CSMD1: variants seen among roughly 807,000 people sequenced by gnomAD.
CSMD1 encodes the protein CUB and Sushi multiple domains 1, also known as CUB and sushi domain-containing protein 1.
In CSMD1, 213 loss-of-function variants were observed where a neutral mutation model predicts 417.5. The ratio of observed to expected loss-of-function variants is 0.51; its 90% CI spans 0.46 to 0.57. CSMD1 has a LOEUF of 0.57. CSMD1 is among the 20% of genes least tolerant of loss of function. The pLI is 0.00. For missense variants in CSMD1, 6,923 were observed against 4,529.7 expected (o/e 1.53, Z -15.17); for synonymous variants, 2,862 against 1,736.8 (o/e 1.65, Z -16.11).
intron 2 of CSMD1, among the ~76,000 whole-genome samples, chr8:4,534,580 C>G (rs1585215881): frequency 6.6e-6 from 1 of 151,948 alleles, no homozygotes; most frequent in East Asian, 1.9e-4. Flanking sequence ...CAACCCCTCC[C>G]CTCCTCCCTC....
rs765929313 is a variant in CSMD1, at chr8:3,118,547, C to G, written c.6282G>C (p.Gln2094His). 2 of 1,613,826 alleles carry G rather than the reference C, an allele frequency of 1.2e-6. No homozygotes were observed. Among genetic ancestry groups the G allele is most frequent in the African/African-American group, 1.3e-5 (1 of 75,016 alleles). Residue 2094 changes from glutamine (Q) to histidine (H), a missense_variant, in exon 42 of 70, where the codon CAG (glutamine) becomes CAC (histidine). Coordinates refer to ENST00000635120, the MANE Select transcript of CSMD1 (RefSeq NM_033225.6). ...LQNCPDPPPF[Q>H]NGYMINSDYS... is the part of the protein sequence containing the mutation. ...AATCCGAGTTGATCATGTACCCATT[C>G]TGAAATGGGGGTGGATCTGGACAGT...
intron 3 of CSMD1, among the ~76,000 whole-genome samples, chr8:4,285,706 A>T (rs919562343): frequency 6.6e-6 from 1 of 152,256 alleles, no homozygotes; most frequent in East Asian, 1.9e-4. Flanking sequence ...AGAACTAGTA[A>T]AACAGTCAGG....
At chr8:3,532,621 C>G (rs150566956) in intron 10 of CSMD1, among the ~76,000 whole-genome samples, 2 of 152,090 alleles carry the variant, frequency 1.3e-5, no homozygotes, top group African/African-American at 4.8e-5. Context: ...AGATTTACTA[C>G]GCCAAAATTT....
intron 8 of CSMD1, among the ~76,000 whole-genome samples, chr8:3,594,153 C>T (rs1228847315): frequency 6.6e-6 from 1 of 152,206 alleles, no homozygotes; most frequent in Non-Finnish European, 1.5e-5. Flanking sequence ...TGGGCCTCTG[C>T]TATGCCCGAC....
intron 1 of CSMD1, among the ~76,000 whole-genome samples, chr8:4,688,759 C>T (rs369410090): frequency 3.2e-4 from 49 of 152,176 alleles, no homozygotes; most frequent in African/African-American, 1.1e-3. Flanking sequence ...TACAGCACTG[C>T]GGAGATAACC....
intron 1 of CSMD1, among the ~76,000 whole-genome samples, chr8:4,680,973 T>TGAGAGAGA (rs34049081): frequency 3.6e-5 from 5 of 138,710 alleles, no homozygotes; most frequent in Non-Finnish European, 4.7e-5. Context: ...TGTGTGTGTG[T>TGAGAGAGA]GTGAGAGAGA....
intron 7 of CSMD1, among the ~76,000 whole-genome samples, chr8:3,617,594 T>C (rs1282223396): frequency 5.9e-5 from 9 of 152,174 alleles, no homozygotes; most frequent in South Asian, 4.1e-4. Context: ...AAAGTGCATA[T>C]CTATTTTACT....
At chr8:4,967,588 T>A (rs1022923725) in intron 1 of CSMD1, among the ~76,000 whole-genome samples, 18 of 152,216 alleles carry the variant, frequency 1.2e-4, no homozygotes, top group African/African-American at 4.3e-4. Context: ...ATTTTTAATT[T>A]TAACAGAGTT....
chr8:4,452,936 G>A (rs112801271), intron 2 of CSMD1, among the ~76,000 whole-genome samples: 20 of 152,300 alleles, frequency 1.3e-4, no homozygotes, highest in African/African-American at 4.8e-4. Flanking sequence ...TTTTATTTTA[G>A]TTAAATAGCG....
At chr8:4,498,103 G>A (rs1585167976) in intron 2 of CSMD1, among the ~76,000 whole-genome samples, 1 of 152,132 alleles carries the variant, frequency 6.6e-6, no homozygotes, top group African/African-American at 2.4e-5. Context: ...CTCAAACATG[G>A]AAATAATCCA....
At chr8:3,924,168 C>A (rs1197396433) in intron 5 of CSMD1, among the ~76,000 whole-genome samples, 1 of 152,176 alleles carries the variant, frequency 6.6e-6, no homozygotes, top group East Asian at 1.9e-4. Context: ...GTATAGCATT[C>A]TTCGTTGGCA....
At chr8:4,182,358 C>A (rs779552724) in intron 3 of CSMD1, among the ~76,000 whole-genome samples, 2 of 152,102 alleles carry the variant, frequency 1.3e-5, no homozygotes, top group Non-Finnish European at 2.9e-5. Flanking sequence ...CTTCCACATG[C>A]CTTACCCAAA....
At chr8:4,061,899 G>A (rs560472235) in intron 3 of CSMD1, among the ~76,000 whole-genome samples, 9 of 152,290 alleles carry the variant, frequency 5.9e-5, no homozygotes, top group Admixed American at 4.6e-4. Context: ...TACTGGTAAA[G>A]TGAATAAATA....
In CSMD1 at chr8:3,108,631, A is replaced by G. The variant is rs756643809; in HGVS notation, c.6726T>C (p.Asn2242=). Reference sequence around the variant, plus strand: ...GGAAATTGAGGACAAAGAAGCCTCCATTTGAAAAGTCGCTGTGGAACTTGA... The same window carrying G: ...GGAAATTGAGGACAAAGAAGCCTCCGTTTGAAAAGTCGCTGTGGAACTTGA... ...VLLKFHSDFS[N]GGFFVLNFHA... The change falls in exon 44 of 70, where the codon AAT becomes AAC. Residue 2242 remains asparagine (N), a synonymous_variant. Transcript: ENST00000635120. 6.2e-7 allele frequency: 1 copy of G among 1,613,850 alleles called. No homozygotes were observed. Among genetic ancestry groups the G allele is most frequent in the Admixed American group, 1.7e-5 (1 of 60,014 alleles).
chr8:3,505,366 C>A (rs1796780862), intron 10 of CSMD1, among the ~76,000 whole-genome samples: 1 of 152,164 alleles, frequency 6.6e-6, no homozygotes. Context: ...AATTATAGAT[C>A]ACTACATGAA....
intron 2 of CSMD1, among the ~76,000 whole-genome samples, chr8:4,553,229 G>T (rs1797947455): frequency 6.6e-6 from 1 of 152,060 alleles, no homozygotes; most frequent in South Asian, 2.1e-4. Context: ...TCTAAAATCT[G>T]GACAGTCTGC....
chr8:4,601,281 T>G lies in CSMD1; in HGVS notation c.302+36061A>C, dbSNP rs565738549. ...AGATTTTTTTTAAAAAGCATGAGAATAAGACAGGGAGTAGAGTGACAGCGA... is the reference window on the plus strand; with the variant it reads ...AGATTTTTTTTAAAAAGCATGAGAAGAAGACAGGGAGTAGAGTGACAGCGA... On this transcript the variant is annotated intron_variant, in intron 2 of 69. Transcript: ENST00000635120. Among the ~76,000 whole-genome samples, 275 of 152,224 alleles carry G rather than the reference T, an allele frequency of 1.8e-3. 3 individuals carry two copies. Among genetic ancestry groups the G allele is most frequent in the African/African-American group, 6.4e-3 (267 of 41,534 alleles).
intron 3 of CSMD1, among the ~76,000 whole-genome samples, chr8:4,328,329 C>T (rs146870921): frequency 2.9e-3 from 434 of 148,624 alleles, no homozygotes; most frequent in Admixed American, 9.4e-3. Context: ...GTCAACTGTG[C>T]GGTCTGAGAC....
In CSMD1 at chr8:3,189,026, C is replaced by T. The variant is rs1326868075; in HGVS notation, c.5399-15G>A. On this transcript the variant is annotated splice_polypyrimidine_tract_variant and intron_variant, in intron 34 of 69. Coordinates refer to ENST00000635120, the MANE Select transcript of CSMD1 (RefSeq NM_033225.6). The stretch of plus-strand genomic sequence containing the variant: ...ACTGCAGGGTACTAAAAGACACAAC[C>T]ATATGTCATGAAATAAAGTGCTGTG... 6.2e-7 allele frequency: 1 copy of T among 1,604,304 alleles called. No homozygotes were observed. The highest frequency in any genetic ancestry group is 1.3e-5 in the African/African-American group (1 of 74,662).
Sources: allele counts gnomAD v4.1 joint callset (sites outside exome capture counted in the v4.1 genomes callset), GRCh38; gene constraint gnomAD v4.1.1; transcripts MANE v1.5; gene names NCBI Gene and HGNC (gene_info 2026-07-23, HGNC 2026-07-21).